Variants in ALMS1 observed in about 807,000 individuals in gnomAD.
ALMS1 encodes ALMS1 centrosome and basal body associated protein.
ALMS1 carries 271 observed loss-of-function variants against 352.2 expected under a neutral mutation model. That is an observed-to-expected ratio of 0.77 (90% CI 0.70 to 0.85). The LOEUF (loss-of-function observed/expected upper bound fraction) is 0.85. Among genes scored for constraint, ALMS1 ranks in the 40% least tolerant of loss-of-function variants. The pLI, the probability that ALMS1 is intolerant of heterozygous loss-of-function variation, is 0.00. For synonymous variants in ALMS1, 1,865 were observed against 1,761.2 expected, an observed-to-expected ratio of 1.06 and a Z score of -1.48; for missense variants, 5,445 against 4,870.7, an observed-to-expected ratio of 1.12 and a Z score of -3.51.
intron 10 of ALMS1, among the ~76,000 whole-genome samples, chr2:73,519,240 A>T (rs1387526944): frequency 6.6e-6 from 1 of 152,150 alleles, no homozygotes; most frequent in Non-Finnish European, 1.5e-5. Context: ...CACATCTGTT[A>T]TCTGGACTTC....
At chr2:73,519,541 A>G (rs114800454) in intron 10 of ALMS1, among the ~76,000 whole-genome samples, 1 of 152,224 alleles carries the variant, frequency 6.6e-6, no homozygotes, top group Non-Finnish European at 1.5e-5. Flanking sequence ...TATATAATTT[A>G]ACATTCTAAA....
At chr2:73,539,816 G>A (rs931742750) in intron 12 of ALMS1, among the ~76,000 whole-genome samples, 1 of 152,104 alleles carries the variant, frequency 6.6e-6, no homozygotes, top group Non-Finnish European at 1.5e-5. Flanking sequence ...GAGAAGAGAA[G>A]TTTAGAGAAA....
At position 73,550,285 on chromosome 2, in the gene ALMS1, C is replaced by T. The variant is rs1194779329; in HGVS notation, c.9926C>T (p.Ala3309Val). 3 of 1,614,002 alleles carry T rather than the reference C, an allele frequency of 1.9e-6. No homozygotes were observed. The highest frequency in any genetic ancestry group is 2.7e-5 in the African/African-American group (2 of 74,930). Residue 3309 changes from alanine (A) to valine (V), a missense_variant, in exon 13 of 23, where the codon GCT becomes GTT. Transcript: ENST00000613296. ...TCTGTAGGATCCAATGATGCCATTG[C>T]TCCAGACTTCCCAGCTCAGGTGCTA... ...SSHSGSNDAI[A>V]PDFPAQVLGT...
rs746896173 is a variant in ALMS1 at position 73,385,958 on chromosome 2, A to AGCGGCG, written c.100_105dup (p.Ala34_Ala35dup). On this transcript the variant is annotated inframe_insertion, in exon 1 of 23. Transcript: ENST00000613296. ...AGGAGGAGGAAGAGGAGGAGGCTGCAGCGGCGGCGGCGGCGAACGTGGACG... is the reference window on the plus strand; with the variant it reads ...AGGAGGAGGAAGAGGAGGAGGCTGCAGCGGCGGCGGCGGCGGCGGCGAACGTGGACG... 140 of 1,398,938 alleles carry AGCGGCG rather than the reference A, an allele frequency of 1.0e-4. 2 individuals carry two copies. In the Admixed American group the frequency reaches 2.2e-3, roughly 22 times the overall value. 86.7% of individuals were successfully genotyped at this position (1,398,938 alleles called of 1,614,324 possible). A position where few individuals can be genotyped will look rare whatever the true frequency, so the allele number is the denominator to read the frequency against.
chr2:73,459,797 A>AG (rs1385639320), intron 9 of ALMS1, among the ~76,000 whole-genome samples: 1 of 152,122 alleles, frequency 6.6e-6, no homozygotes, highest in African/African-American at 2.4e-5. Flanking sequence ...CATTTCTCCA[A>AG]GGGGCGCTGG....
At chr2:73,386,789 A>T (rs369191476) in intron 1 of ALMS1, among the ~76,000 whole-genome samples, 21 of 152,172 alleles carry the variant, frequency 1.4e-4, no homozygotes, top group African/African-American at 5.1e-4. Context: ...CAAAGCACAG[A>T]TAATACACAA....
intron 9 of ALMS1, among the ~76,000 whole-genome samples, chr2:73,484,569 C>T (rs1023501874): frequency 2.0e-4 from 30 of 151,256 alleles, no homozygotes; most frequent in Non-Finnish European, 3.4e-4. Context: ...TTGCTCTTCT[C>T]GAGGAGTATC....
Position 73,449,840 on chromosome 2 carries a change from A to AGACC in ALMS1, c.3313_3314insGACC (p.Ile1105ArgfsTer15). The stretch of plus-strand genomic sequence containing the variant: ...CTACTCACAAAGAGAGAAGCCTGGT[A>AGACC]TTTTCTACCAACAGACCTTGCCAGA... On this transcript the variant is annotated frameshift_variant, in exon 8 of 23. Coordinates refer to ENST00000613296, the MANE Select transcript of ALMS1 (RefSeq NM_001378454.1). LOFTEE classifies it high-confidence loss of function. 6.2e-7 allele frequency: 1 copy of AGACC among 1,613,916 alleles called. No homozygotes were observed. The highest frequency in any genetic ancestry group is 1.1e-5 in the South Asian group (1 of 91,082).
chr2:73,437,849 A>G (rs985954252), intron 7 of ALMS1, among the ~76,000 whole-genome samples: 3 of 152,154 alleles, frequency 2.0e-5, no homozygotes, highest in Non-Finnish European at 2.9e-5. Flanking sequence ...TCTTCTATCA[A>G]CGAGACCAAC....
chr2:73,408,841 T>A, intron 2 of ALMS1, 94 bp downstream of exon 2: 1 of 1,005,524 alleles, frequency 9.9e-7, no homozygotes, highest in Middle Eastern at 2.4e-4. Context: ...AAATTAATAT[T>A]CATTAATATT....
chr2:73,530,813 G>A (rs778359031), intron 11 of ALMS1, among the ~76,000 whole-genome samples: 3 of 152,224 alleles, frequency 2.0e-5, no homozygotes, highest in Admixed American at 2.0e-4. Flanking sequence ...TGCATCTGTA[G>A]GCCCAACACC....
intron 7 of ALMS1, among the ~76,000 whole-genome samples, chr2:73,443,178 G>A (rs1176696000): frequency 6.6e-6 from 1 of 152,120 alleles, no homozygotes; most frequent in Non-Finnish European, 1.5e-5. Flanking sequence ...TCACTTCCTA[G>A]TTTGGAGTTC....
chr2:73,435,785 A>G (rs1346589869), intron 7 of ALMS1, among the ~76,000 whole-genome samples: 1 of 151,964 alleles, frequency 6.6e-6, no homozygotes, highest in Non-Finnish European at 1.5e-5. Context: ...TTTGGTAGAG[A>G]TGGGATCTCA....
At chr2:73,583,372 C>T (rs746240074) in intron 16 of ALMS1, among the ~76,000 whole-genome samples, 18 of 151,816 alleles carry the variant, frequency 1.2e-4, no homozygotes, top group Middle Eastern at 3.4e-3. Context: ...GTTGTTGTTG[C>T]GACTGCTTTA....
At chr2:73,408,794 C>T (rs1459684713) in intron 2 of ALMS1, 47 bp downstream of exon 2, 1 of 1,518,522 alleles carries the variant, frequency 6.6e-7, no homozygotes, top group African/African-American at 1.5e-5. Flanking sequence ...ATAAGCAGCA[C>T]AAGAAATTCT....
chr2:73,395,179 T>A (rs1198510219), intron 1 of ALMS1, among the ~76,000 whole-genome samples: 1 of 146,516 alleles, frequency 6.8e-6, no homozygotes. Context: ...CTTCCCAGGC[T>A]CAAGTGATTC....
intron 1 of ALMS1, among the ~76,000 whole-genome samples, chr2:73,404,899 CTTTTTTTTTTTTTTT>C (rs58122480): frequency 1.2e-4 from 7 of 60,788 alleles, no homozygotes; most frequent in East Asian, 3.4e-4. Context: ...TGTCCTGGAC[CTTTTTTTTTTTTTTT>C]TTTTTTTTTT....
chr2:73,464,723 A>C (rs1672291548), intron 9 of ALMS1, among the ~76,000 whole-genome samples: 1 of 152,196 alleles, frequency 6.6e-6, no homozygotes, highest in Non-Finnish European at 1.5e-5. Context: ...AAATCTCCTT[A>C]AGCTGATAAG....
chr2:73,495,968 A>G (rs890222715), intron 10 of ALMS1, among the ~76,000 whole-genome samples: 28 of 152,328 alleles, frequency 1.8e-4, no homozygotes, highest in African/African-American at 6.3e-4. Context: ...CGAAGTTATC[A>G]TTAAAATATC....
Sources: gnomAD v4.1 joint callset for allele counts (sites outside exome capture counted in the v4.1 genomes callset) on GRCh38, gnomAD v4.1.1 for gene constraint, MANE v1.5 for transcripts, NCBI Gene and HGNC (gene_info 2026-07-23, HGNC 2026-07-21) for gene names.